Variants in SYT17 observed in about 807,000 individuals in gnomAD.
The protein encoded by SYT17 is synaptotagmin-17.
In SYT17, 22 loss-of-function variants were observed where a neutral mutation model predicts 46.7. The observed-to-expected ratio is 0.47, with a 90% confidence interval of 0.34 to 0.67. SYT17 has a LOEUF of 0.67. Ranked by LOEUF, SYT17 falls within the 30% of genes least tolerant of loss-of-function variation. The pLI is 0.01. For missense variants in SYT17, 519 were observed against 612.8 expected (o/e 0.85, Z 1.62); for synonymous variants, 251 against 248.4 (o/e 1.01, Z -0.10).
At chr16:19,266,792 A>G (rs1226664300) in intron 7 of SYT17, 88 bp from the exon 8 acceptor site, 24 of 1,209,414 alleles carry the variant, frequency 2.0e-5, no homozygotes, top group Non-Finnish European at 2.3e-5. Context: ...TGTGTAGACT[A>G]ATGGCCTCTT....
chr16:19,184,069 GA>G lies in SYT17; in HGVS notation c.876del (p.Val293PhefsTer20). On this transcript the variant is annotated frameshift_variant, in exon 5 of 8. Transcript: ENST00000355377. LOFTEE classifies it high-confidence loss of function. ...DKFSRHCVIG[K>X]VSVPLCEVDL... ...AGTTCTCCCGCCACTGTGTCATTGG[GA>G]AAGTTTCTGTGCCTTTGTGTGAAGT... 6.2e-7 allele frequency: 1 copy of G among 1,614,220 alleles called. No homozygotes were observed. The highest frequency in any genetic ancestry group is 8.5e-7 in the Non-Finnish European group (1 of 1,180,046).
chr16:19,219,038 C>G (rs1289642105), intron 5 of SYT17, among the ~76,000 whole-genome samples: 2 of 152,202 alleles, frequency 1.3e-5, no homozygotes, highest in African/African-American at 4.8e-5. Flanking sequence ...TTCTCTTACA[C>G]TGCCTAATTT....
chr16:19,182,823 G>A (rs1018294676), intron 4 of SYT17, among the ~76,000 whole-genome samples: 4 of 152,262 alleles, frequency 2.6e-5, no homozygotes, highest in Non-Finnish European at 5.9e-5. Flanking sequence ...AAGAAGTACA[G>A]TCGTTCCCAT....
At chr16:19,221,415 A>AT (rs909514772) in intron 5 of SYT17, among the ~76,000 whole-genome samples, 4 of 152,170 alleles carry the variant, frequency 2.6e-5, no homozygotes, top group African/African-American at 7.2e-5. Context: ...AGAAACCCAC[A>AT]TTTTTTAAAA....
intron 7 of SYT17, among the ~76,000 whole-genome samples, chr16:19,235,202 G>T (rs8054408): frequency 6.6e-6 from 1 of 151,934 alleles, no homozygotes. Context: ...TTAAGAATAG[G>T]TTCCATAAAA....
Position 19,268,003 on chromosome 16 carries a change from T to C in SYT17, c.*927T>C, listed in dbSNP as rs1416029473. On this transcript the variant is annotated 3_prime_UTR_variant, in exon 8 of 8. Transcript: ENST00000355377. ...TAAATAGGATATGATAGAGCAAAAG[T>C]AACATTTTTTGACCGAATCATGGTG... 1 of 151,448 alleles carries C rather than the reference T, an allele frequency of 6.6e-6. No individual in the cohort carries two copies. Among genetic ancestry groups the C allele is most frequent in the East Asian group, 1.9e-4 (1 of 5,150 alleles). 9.4% of individuals were successfully genotyped at this position (151,448 alleles called of 1,614,324 possible).
At chr16:19,265,747 A>G (rs1211398787) in intron 7 of SYT17, among the ~76,000 whole-genome samples, 8 of 152,240 alleles carry the variant, frequency 5.3e-5, no homozygotes, top group African/African-American at 1.9e-4. Context: ...ACCCACACAC[A>G]GATCAAGAAT....
At chr16:19,178,918 G>A (rs1184206670) in intron 3 of SYT17, among the ~76,000 whole-genome samples, 2 of 151,918 alleles carry the variant, frequency 1.3e-5, no homozygotes, top group African/African-American at 2.4e-5. Flanking sequence ...AACTAAGCTG[G>A]GCATGGAGGC....
chr16:19,176,555 G>T (rs190967805), intron 3 of SYT17, among the ~76,000 whole-genome samples: 1 of 152,298 alleles, frequency 6.6e-6, no homozygotes, highest in East Asian at 1.9e-4. Flanking sequence ...GAACGGGCAC[G>T]TCTGTGTTTC....
At chr16:19,190,892 T>G (rs1278253245) in intron 5 of SYT17, among the ~76,000 whole-genome samples, 1 of 152,018 alleles carries the variant, frequency 6.6e-6, no homozygotes, top group Non-Finnish European at 1.5e-5. Flanking sequence ...ACCGTTTGGC[T>G]ATTATAAATA....
At chr16:19,179,032 T>TA (rs113720666) in intron 3 of SYT17, among the ~76,000 whole-genome samples, 2,640 of 145,426 alleles carry the variant, frequency 0.018, 56 homozygotes, top group African/African-American at 0.046. Flanking sequence ...CCCTGTTTCT[T>TA]AAAAAAAAAA....
chr16:19,224,027 A>C (rs1020688461), intron 6 of SYT17, among the ~76,000 whole-genome samples: 8 of 152,264 alleles, frequency 5.3e-5, no homozygotes, highest in African/African-American at 1.7e-4. Flanking sequence ...AACAGTATTC[A>C]TCTTGATAAG....
intron 1 of SYT17, chr16:19,171,092 T>G (rs1964063674): frequency 6.6e-6 from 1 of 152,216 alleles, no homozygotes; most frequent in Admixed American, 6.5e-5. Flanking sequence ...CAGTCGATGG[T>G]GAGACTAGGA....
At chr16:19,200,975 G>T (rs534500926) in intron 5 of SYT17, among the ~76,000 whole-genome samples, 1 of 152,118 alleles carries the variant, frequency 6.6e-6, no homozygotes, top group Non-Finnish European at 1.5e-5. Context: ...CATTCCAGAG[G>T]GGGGACCAGC....
rs1384026316 is a variant in SYT17, at chr16:19,168,347, G to A, written c.-300G>A. 4.0e-5 allele frequency: 19 copies of A among 477,294 alleles called. No homozygotes were observed. The highest frequency in any genetic ancestry group is 7.0e-5 in the Non-Finnish European group (19 of 270,968). The allele number at this position is 477,294 out of a possible 1,614,324, so 29.6% of individuals were successfully genotyped here. A position where few individuals can be genotyped will look rare whatever the true frequency, so the allele number is the denominator to read the frequency against. On this transcript the variant is annotated 5_prime_UTR_variant, in exon 1 of 8. Coordinates refer to ENST00000355377, the MANE Select transcript of SYT17 (RefSeq NM_016524.4). The surrounding 1 kb of genome is among the most constrained non-coding windows in gnomAD (Gnocchi z 6.9). ...CGCCCCGGCCTTATTCCAGCCTGGG[G>A]AGCGCCTCGGTGGGGAGCACGGGAC...
chr16:19,233,871 C>T (rs1966790901), intron 7 of SYT17, among the ~76,000 whole-genome samples: 1 of 152,156 alleles, frequency 6.6e-6, no homozygotes, highest in South Asian at 2.1e-4. Context: ...CCACAGCCCA[C>T]CCATGACATA....
At chr16:19,216,760 T>G (rs1966111886) in intron 5 of SYT17, among the ~76,000 whole-genome samples, 1 of 152,222 alleles carries the variant, frequency 6.6e-6, no homozygotes. Flanking sequence ...ATATGCTACA[T>G]TTTCTTTATC....
intron 5 of SYT17, among the ~76,000 whole-genome samples, chr16:19,201,173 G>T (rs1965444845): frequency 6.6e-6 from 1 of 152,172 alleles, no homozygotes; most frequent in Non-Finnish European, 1.5e-5. Flanking sequence ...TTTCTGGGTG[G>T]CACAAAGGTG....
At chr16:19,185,605 T>TAAA in intron 5 of SYT17, among the ~76,000 whole-genome samples, 1 of 144,874 alleles carries the variant, frequency 6.9e-6, no homozygotes. Context: ...CCTGTCTCTT[T>TAAA]AAAAAAAAAA....
Sources: gnomAD v4.1 joint callset for allele counts (sites outside exome capture counted in the v4.1 genomes callset) on GRCh38, gnomAD v4.1.1 for gene constraint, Gnocchi (gnomAD v3.1) non-coding constraint, MANE v1.5 for transcripts, NCBI Gene and HGNC (gene_info 2026-07-23, HGNC 2026-07-21) for gene names.